SDCCAG8: variants seen among roughly 807,000 people sequenced by gnomAD.
SDCCAG8 encodes SHH signaling and ciliogenesis regulator SDCCAG8.
In SDCCAG8, 74 loss-of-function variants were observed where a neutral mutation model predicts 101.8. That is an observed-to-expected ratio of 0.73 (90% CI 0.60 to 0.88). The LOEUF is 0.88. Among genes scored for constraint, SDCCAG8 ranks in the 40% least tolerant of loss-of-function variants. The pLI is 0.00. For synonymous variants in SDCCAG8, 281 were observed against 292.9 expected (o/e 0.96, Z 0.41); for missense variants, 787 against 822.6 (o/e 0.96, Z 0.53).
intron 13 of SDCCAG8, among the ~76,000 whole-genome samples, chr1:243,409,586 A>G (rs2080025391): frequency 6.6e-6 from 1 of 152,184 alleles, no homozygotes; most frequent in South Asian, 2.1e-4. Flanking sequence ...CAAGACTGGT[A>G]CAAGGACATT....
intron 15 of SDCCAG8, 71 bp from the exon 16 acceptor site, chr1:243,426,356 G>T: frequency 2.3e-6 from 3 of 1,296,574 alleles, no homozygotes; most frequent in Non-Finnish European, 3.3e-6. Context: ...TAATGTTAAG[G>T]TTATATAATA....
intron 9 of SDCCAG8, among the ~76,000 whole-genome samples, chr1:243,324,904 TTGA>T (rs1423151802): frequency 6.6e-6 from 1 of 152,234 alleles, no homozygotes; most frequent in Non-Finnish European, 1.5e-5. Context: ...GCCATTTTCA[TTGA>T]TTTGCACATG....
chr1:243,260,751 T>C (rs910394090), intron 1 of SDCCAG8, among the ~76,000 whole-genome samples: 17 of 152,356 alleles, frequency 1.1e-4, no homozygotes, highest in African/African-American at 4.1e-4. Flanking sequence ...ACAAACTTCT[T>C]GTATGACAGG....
At chr1:243,393,889 G>GT (rs773997039) in intron 13 of SDCCAG8, among the ~76,000 whole-genome samples, 7 of 152,118 alleles carry the variant, frequency 4.6e-5, no homozygotes, top group Non-Finnish European at 1.0e-4. Context: ...TTGATTCAGA[G>GT]TCACTTGCCC....
rs2149264111 is a variant in SDCCAG8, at chr1:243,271,069, T to C, written c.306+6T>C. The C allele has an allele frequency of 1.3e-6, 2 of 1,583,260 alleles. No homozygotes were observed. The highest frequency in any genetic ancestry group is 1.7e-6 in the Non-Finnish European group (2 of 1,151,908). The stretch of plus-strand genomic sequence containing the variant: ...GAAGAAAAATGTCCCCCTTGGTAAG[T>C]ATCAACTTTTCCAAGTTGACAAAGC... On this transcript the variant is annotated splice_donor_region_variant and intron_variant, in intron 3 of 17. Transcript: ENST00000366541.
intron 12 of SDCCAG8, among the ~76,000 whole-genome samples, chr1:243,373,089 T>A (rs1473978893): frequency 3.3e-5 from 5 of 151,996 alleles, no homozygotes; most frequent in African/African-American, 1.2e-4. Flanking sequence ...CTTACATTTA[T>A]ATGTGTGTGT....
At chr1:243,314,857 G>A (rs953699484) in intron 8 of SDCCAG8, among the ~76,000 whole-genome samples, 9 of 152,048 alleles carry the variant, frequency 5.9e-5, no homozygotes, top group African/African-American at 1.9e-4. Flanking sequence ...CTACAGGTGC[G>A]CACTACCACA....
At chr1:243,422,573 G>A (rs1175498830) in intron 15 of SDCCAG8, among the ~76,000 whole-genome samples, 1 of 152,138 alleles carries the variant, frequency 6.6e-6, no homozygotes, top group Non-Finnish European at 1.5e-5. Flanking sequence ...GTATCCAACT[G>A]TGTGAGTTTA....
At chr1:243,266,224 C>T (rs558420214) in intron 1 of SDCCAG8, among the ~76,000 whole-genome samples, 1 of 152,108 alleles carries the variant, frequency 6.6e-6, no homozygotes, top group Non-Finnish European at 1.5e-5. Flanking sequence ...AGTATATGCA[C>T]CACACTGTAC....
intron 13 of SDCCAG8, among the ~76,000 whole-genome samples, chr1:243,403,629 G>A (rs957515501): frequency 5.3e-5 from 8 of 149,788 alleles, no homozygotes; most frequent in Non-Finnish European, 8.8e-5. Flanking sequence ...ATCTCCTGTC[G>A]GAGCAGCAGC....
chr1:243,291,226 T>C (rs1230574566), intron 5 of SDCCAG8, among the ~76,000 whole-genome samples: 13 of 152,224 alleles, frequency 8.5e-5, no homozygotes, highest in Admixed American at 8.5e-4. Context: ...CGTATTTTAA[T>C]CCTTCTTGTA....
Position 243,362,242 on chromosome 1 carries a change from T to A in SDCCAG8, c.1474-16479T>A, listed in dbSNP as rs569530907. On this transcript the variant is annotated intron_variant, in intron 12 of 17. Coordinates refer to ENST00000366541, the MANE Select transcript of SDCCAG8 (RefSeq NM_006642.5). ...GATAGGTGGGTCAAGAGATGGCCAG[T>A]TGACTGCCTCAAGTAACACAGTAAC... Among the ~76,000 whole-genome samples the A allele has an allele frequency of 1.6e-3, 199 of 122,284 alleles. 1 individual carries two copies. Among genetic ancestry groups the A allele is most frequent in the African/African-American group, 5.9e-3 (188 of 31,700 alleles). The allele number at this position is 122,284 out of a possible 152,430, so 80.2% of individuals were successfully genotyped here.
At chr1:243,352,931 A>G (rs1354169292) in intron 12 of SDCCAG8, among the ~76,000 whole-genome samples, 1 of 152,168 alleles carries the variant, frequency 6.6e-6, no homozygotes, top group Non-Finnish European at 1.5e-5. Flanking sequence ...TATACCTGTA[A>G]GGGAAAATGA....
intron 6 of SDCCAG8, among the ~76,000 whole-genome samples, chr1:243,302,745 A>G (rs372952159): frequency 9.9e-5 from 15 of 152,258 alleles, no homozygotes; most frequent in African/African-American, 3.4e-4. Context: ...TGCAAACACA[A>G]TGTCTCTAAT....
chr1:243,362,056 TGAAGAGATGG>T (rs1275358625), intron 12 of SDCCAG8, among the ~76,000 whole-genome samples: 23 of 142,738 alleles, frequency 1.6e-4, no homozygotes, highest in African/African-American at 2.8e-4. Flanking sequence ...GATAGGTGGG[TGAAGAGATGG>T]CCAAGTGACT....
chr1:243,482,723 G>A lies in SDCCAG8; in HGVS notation c.1986-6291G>A, dbSNP rs146560296. ...CAGGGGCTTCCTGGGAGGAGGACTGGCTTCCTGCCCCTGATGGGGCCTGGC... is the reference window on the plus strand; with the variant it reads ...CAGGGGCTTCCTGGGAGGAGGACTGACTTCCTGCCCCTGATGGGGCCTGGC... On this transcript the variant is annotated intron_variant, in intron 16 of 17. Coordinates refer to ENST00000366541, the MANE Select transcript of SDCCAG8 (RefSeq NM_006642.5). Among the ~76,000 whole-genome samples the A allele has an allele frequency of 5.7e-3, 861 of 152,324 alleles. 6 individuals are homozygous for A. The highest frequency in any genetic ancestry group is 9.3e-3 in the Non-Finnish European group (634 of 68,020).
intron 1 of SDCCAG8, among the ~76,000 whole-genome samples, chr1:243,260,801 A>C (rs762257579): frequency 6.6e-6 from 1 of 152,168 alleles, no homozygotes; most frequent in Non-Finnish European, 1.5e-5. Context: ...TTCTGGTTTT[A>C]CCTTTTTCTG....
intron 12 of SDCCAG8, among the ~76,000 whole-genome samples, chr1:243,377,676 A>AT (rs1258305543): frequency 6.6e-6 from 1 of 152,012 alleles, no homozygotes; most frequent in Non-Finnish European, 1.5e-5. Flanking sequence ...AGAATATTGA[A>AT]TAAGGACATG....
chr1:243,324,118 C>T (rs550831215), intron 9 of SDCCAG8, among the ~76,000 whole-genome samples: 9 of 152,136 alleles, frequency 5.9e-5, no homozygotes, highest in Middle Eastern at 3.2e-3. Context: ...CCCAGCCCTA[C>T]GTGTTTTGCT....
Sources: gnomAD v4.1 joint callset for allele counts (sites outside exome capture counted in the v4.1 genomes callset) on GRCh38, gnomAD v4.1.1 for gene constraint, MANE v1.5 for transcripts, NCBI Gene and HGNC (gene_info 2026-07-23, HGNC 2026-07-21) for gene names.